The following RGSL1 variants were observed in gnomAD, a reference collection of about 807,000 sequenced individuals.
The protein encoded by RGSL1 is regulator of G protein signaling like 1, also known as regulator of G protein signaling protein-like.
Under a neutral mutation model 124.7 loss-of-function variants are expected in RGSL1, and 97 were observed. The observed-to-expected ratio is 0.78, with a 90% confidence interval of 0.66 to 0.92. RGSL1 has a LOEUF of 0.92. Among genes scored for constraint, RGSL1 ranks in the 40% least tolerant of loss-of-function variants. The pLI is 0.00. For synonymous variants in RGSL1, 424 were observed against 438.1 expected (o/e 0.97, Z 0.40); for missense variants, 1,233 against 1,288.4 (o/e 0.96, Z 0.66).
At chr1:182,514,589 C>T (rs369981716) in intron 9 of RGSL1, among the ~76,000 whole-genome samples, 5 of 152,142 alleles carry the variant, frequency 3.3e-5, no homozygotes, top group African/African-American at 1.2e-4. Flanking sequence ...TGCTAAGATA[C>T]CCCTTAATTT....
chr1:182,513,997 G>A (rs528834389), intron 9 of RGSL1, among the ~76,000 whole-genome samples: 9 of 151,276 alleles, frequency 5.9e-5, no homozygotes, highest in Admixed American at 3.3e-4. Flanking sequence ...GGGTTCAAGC[G>A]AGTCTCCTGC....
chr1:182,551,135 A>G lies in RGSL1; in HGVS notation c.2969A>G (p.Gln990Arg). The G allele has an allele frequency of 6.4e-7, 1 of 1,551,664 alleles. No homozygotes were observed. Among genetic ancestry groups the G allele is most frequent in the Non-Finnish European group, 8.7e-7 (1 of 1,146,968 alleles). Residue 990 changes from glutamine to arginine, a missense_variant, in exon 18 of 22, where the codon CAG becomes CGG. Coordinates refer to ENST00000294854, the MANE Select transcript of RGSL1 (RefSeq NM_001137669.2). ...CFWKATRSYL[Q>R]YRGKKFKDRK... Reference sequence around the variant, plus strand: ...TGGAAGGCAACCCGCTCTTACTTACAGTATAGGGGGAAGAAGTTCAAGGAC... The same window carrying G: ...TGGAAGGCAACCCGCTCTTACTTACGGTATAGGGGGAAGAAGTTCAAGGAC...
chr1:182,458,048 T>C (rs573073013), intron 2 of RGSL1, among the ~76,000 whole-genome samples: 1 of 152,304 alleles, frequency 6.6e-6, no homozygotes, highest in Non-Finnish European at 1.5e-5. Flanking sequence ...AGCAAATAGC[T>C]CTCAGGTCGG....
chr1:182,550,377 A>T (rs1173707456), intron 17 of RGSL1: 1 of 152,184 alleles, frequency 6.6e-6, no homozygotes, highest in African/African-American at 2.4e-5. Flanking sequence ...GATAGAACAG[A>T]CTGTCCCTCA....
chr1:182,462,933 C>T (rs569118271), intron 4 of RGSL1, among the ~76,000 whole-genome samples: 46 of 152,172 alleles, frequency 3.0e-4, no homozygotes, highest in Admixed American at 2.6e-3. Flanking sequence ...ATCCTGGTAA[C>T]GCAGAACAAA....
intron 18 of RGSL1, among the ~76,000 whole-genome samples, chr1:182,552,138 C>T (rs1340997439): frequency 6.8e-6 from 1 of 147,906 alleles, no homozygotes; most frequent in Non-Finnish European, 1.5e-5. Context: ...TTTTGAGAGG[C>T]AGTCTCGCTC....
chr1:182,479,284 C>G (rs1025921314), intron 6 of RGSL1, among the ~76,000 whole-genome samples: 1 of 151,672 alleles, frequency 6.6e-6, no homozygotes, highest in Non-Finnish European at 1.5e-5. Flanking sequence ...TTATAACCAC[C>G]GAAATTAGTT....
At chr1:182,556,434 TC>T (rs1660872086) in intron 21 of RGSL1, among the ~76,000 whole-genome samples, 1 of 152,246 alleles carries the variant, frequency 6.6e-6, no homozygotes, top group Admixed American at 6.5e-5. Flanking sequence ...ACAGATGGTG[TC>T]TTTTAATGGT....
rs143543294 is a variant in RGSL1 at position 182,459,659 on chromosome 1, C to A, written c.172-345C>A. On this transcript the variant is annotated intron_variant, in intron 3 of 21. Coordinates refer to ENST00000294854, the MANE Select transcript of RGSL1 (RefSeq NM_001137669.2). The stretch of plus-strand genomic sequence containing the variant: ...GAAGCAAGTTGAATAGAGTTATGAT[C>A]TGACACCACAGACCCAAATCTTTTC... 3.4e-3 allele frequency among the ~76,000 whole-genome samples: 525 copies of A among 152,300 alleles called. 5 individuals are homozygous for A. Among genetic ancestry groups the A allele is most frequent in the Middle Eastern group, 0.017 (5 of 294 alleles).
At chr1:182,515,773 G>A (rs1657843694) in intron 9 of RGSL1, among the ~76,000 whole-genome samples, 1 of 152,178 alleles carries the variant, frequency 6.6e-6, no homozygotes, top group Non-Finnish European at 1.5e-5. Context: ...TGGCCATTGG[G>A]TGCAGCTCGT....
chr1:182,559,157 T>G (rs1214563452), intron 21 of RGSL1, among the ~76,000 whole-genome samples: 1 of 152,202 alleles, frequency 6.6e-6, no homozygotes, highest in Non-Finnish European at 1.5e-5. Flanking sequence ...CCTGTTGAAC[T>G]TACCTTCTTA....
intron 9 of RGSL1, among the ~76,000 whole-genome samples, chr1:182,516,166 C>T (rs910051145): frequency 2.0e-5 from 3 of 152,176 alleles, no homozygotes; most frequent in African/African-American, 7.2e-5. Context: ...AGCCGATATT[C>T]CTTTACCCAC....
intron 5 of RGSL1, among the ~76,000 whole-genome samples, chr1:182,472,777 T>C (rs1245493175): frequency 5.3e-5 from 8 of 152,162 alleles, no homozygotes; most frequent in Non-Finnish European, 1.5e-5. Context: ...TACCTGCCAA[T>C]GAAGGCTGGC....
chr1:182,522,056 G>C lies in RGSL1; in HGVS notation c.1878G>C (p.Arg626Ser). 1 of 1,549,100 alleles carries C rather than the reference G, an allele frequency of 6.5e-7. No individual in the cohort carries two copies. The highest frequency in any genetic ancestry group is 8.7e-7 in the Non-Finnish European group (1 of 1,146,266). ...CAAAGACAGTTTCACGCTCAAATAG[G>C]AAAATGTCCTTGCTCAAAAGAACTC... ...KETKTVSRSN[R>S]KMSLLKRTLV... Residue 626 changes from arginine (R) to serine (S), a missense_variant, in exon 10 of 22, where the codon AGG (arginine) becomes AGC (serine). Transcript: ENST00000294854.
intron 4 of RGSL1, among the ~76,000 whole-genome samples, chr1:182,471,709 G>A (rs1457473570): frequency 6.6e-6 from 1 of 152,158 alleles, no homozygotes; most frequent in East Asian, 1.9e-4. Context: ...CATTTTGGTG[G>A]GGAGATGGAC....
At chr1:182,558,303 C>T (rs1006202985) in intron 21 of RGSL1, among the ~76,000 whole-genome samples, 14 of 152,030 alleles carry the variant, frequency 9.2e-5, no homozygotes, top group African/African-American at 3.1e-4. Context: ...GGGCCACTGC[C>T]GTCTAAGGAA....
intron 11 of RGSL1, among the ~76,000 whole-genome samples, chr1:182,529,662 A>G (rs1407736137): frequency 3.3e-5 from 5 of 152,218 alleles, no homozygotes; most frequent in African/African-American, 9.7e-5. Context: ...AATATAGAAA[A>G]TATAGAAAAA....
At chr1:182,558,516 G>A (rs1660993389) in intron 21 of RGSL1, among the ~76,000 whole-genome samples, 1 of 152,194 alleles carries the variant, frequency 6.6e-6, no homozygotes, top group African/African-American at 2.4e-5. Flanking sequence ...CCCCTCTGGA[G>A]GCTGTTGGGG....
chr1:182,551,760 A>G (rs1660579467), intron 18 of RGSL1, among the ~76,000 whole-genome samples: 1 of 152,250 alleles, frequency 6.6e-6, no homozygotes, highest in Non-Finnish European at 1.5e-5. Context: ...ACACACACAT[A>G]CAGCCATGCA....
Sources: gnomAD v4.1 joint callset for allele counts (sites outside exome capture counted in the v4.1 genomes callset) on GRCh38, gnomAD v4.1.1 for gene constraint, MANE v1.5 for transcripts, NCBI Gene and HGNC (gene_info 2026-07-23, HGNC 2026-07-21) for gene names.